PHLPP1: variants seen among roughly 807,000 people sequenced by gnomAD.
PHLPP1 encodes PH domain leucine-rich repeat-containing protein phosphatase 1.
PHLPP1 carries 42 observed loss-of-function variants against 117.2 expected under a neutral mutation model. The observed-to-expected ratio is 0.36, with a 90% CI of 0.28 to 0.46. PHLPP1 has a LOEUF of 0.46. Ranked by LOEUF, PHLPP1 falls within the 20% of genes least tolerant of loss-of-function variation. The pLI is 1.00. For missense variants in PHLPP1, 2,084 were observed against 2,241.9 expected (o/e 0.93, Z 1.42); for synonymous variants, 1,042 against 970.7 (o/e 1.07, Z -1.37).
At chr18:62,796,021 T>C (rs896507106) in intron 1 of PHLPP1, among the ~76,000 whole-genome samples, 6 of 152,224 alleles carry the variant, frequency 3.9e-5, no homozygotes, top group Non-Finnish European at 8.8e-5. Context: ...TGTCATTCTT[T>C]GAAAGGTTAT....
In PHLPP1 at chr18:62,736,516, A is replaced by G. The variant is rs1045703151; in HGVS notation, c.1576+19257A>G. Reference sequence around the variant, plus strand: ...AAGTTTACAGTTGGGTGATGGAAGAATTGTGGATCAGTTCATAAAAGTAGG... The same window carrying G: ...AAGTTTACAGTTGGGTGATGGAAGAGTTGTGGATCAGTTCATAAAAGTAGG... On this transcript the variant is annotated intron_variant, in intron 1 of 16. Transcript: ENST00000262719. 2.0e-5 allele frequency among the ~76,000 whole-genome samples: 3 copies of G among 152,264 alleles called. No individual in the cohort carries two copies. In the South Asian group the frequency reaches 6.2e-4, roughly 32 times the overall value.
Position 62,830,201 on chromosome 18 carries a change from G to T in PHLPP1, c.1743G>T (p.Lys581Asn), listed in dbSNP as rs750911352. ...CTGTGAAAGACAGCTTGACCGGAAA[G>T]ATGCATGTTCTGCCACTAATTGGTG... ...VSSVKDSLTG[K>N]MHVLPLIGGK... The change falls in exon 2 of 17, where the codon AAG becomes AAT. Residue 581 changes from lysine to asparagine, a missense_variant. Coordinates refer to ENST00000262719, the MANE Select transcript of PHLPP1 (RefSeq NM_194449.4). 2.6e-6 allele frequency: 4 copies of T among 1,568,302 alleles called. No individual in the cohort carries two copies. Among genetic ancestry groups the T allele is most frequent in the Non-Finnish European group, 3.5e-6 (4 of 1,155,918 alleles).
intron 1 of PHLPP1, among the ~76,000 whole-genome samples, chr18:62,766,078 T>TATATATATATATATATATATATAAA (rs1912497460): frequency 2.6e-4 from 5 of 19,324 alleles, no homozygotes; most frequent in Non-Finnish European, 3.3e-4. Flanking sequence ...AAAAAAAAAA[T>TATATATATATATATATATATATAAA]ATATATATAT....
chr18:62,971,614 C>T (rs1308577207), intron 14 of PHLPP1, among the ~76,000 whole-genome samples: 3 of 152,160 alleles, frequency 2.0e-5, no homozygotes, highest in Admixed American at 2.0e-4. Context: ...GGGTCTTCCT[C>T]CCTGTGCTGC....
In PHLPP1 at chr18:62,958,665, A is replaced by G; in HGVS notation, c.3361A>G (p.Thr1121Ala). ...GAGCTGTAATGAGCTAAGTGAAGTCACATTACCAGAAAACCTGCCTCCCAA... is the reference window on the plus strand; with the variant it reads ...GAGCTGTAATGAGCTAAGTGAAGTCGCATTACCAGAAAACCTGCCTCCCAA... ...DLSCNELSEV[T>A]LPENLPPKLQ... The change falls in exon 13 of 17, where the codon ACA (threonine) becomes GCA (alanine). Residue 1121 changes from threonine to alanine, a missense_variant. Physicochemically the swap from Thr to Ala is moderately conservative, Grantham distance 58. Coordinates refer to ENST00000262719, the MANE Select transcript of PHLPP1 (RefSeq NM_194449.4). The G allele has an allele frequency of 1.2e-6, 2 of 1,613,902 alleles. No homozygotes were observed. The highest frequency in any genetic ancestry group is 8.5e-7 in the Non-Finnish European group (1 of 1,179,806).
intron 1 of PHLPP1, among the ~76,000 whole-genome samples, chr18:62,776,609 G>GTT (rs35582464): frequency 2.7e-4 from 37 of 137,046 alleles, no homozygotes; most frequent in South Asian, 4.7e-4. Context: ...ATTGCTGAGT[G>GTT]TTTTTTTTTT....
At chr18:62,785,712 G>T (rs1913262509) in intron 1 of PHLPP1, among the ~76,000 whole-genome samples, 1 of 152,144 alleles carries the variant, frequency 6.6e-6, no homozygotes, top group Non-Finnish European at 1.5e-5. Context: ...CTTTTCTCGG[G>T]TCATTACCGT....
chr18:62,735,755 T>C (rs1262132569), intron 1 of PHLPP1, among the ~76,000 whole-genome samples: 3 of 152,194 alleles, frequency 2.0e-5, no homozygotes, highest in African/African-American at 7.2e-5. Flanking sequence ...ACTTACCCCA[T>C]GCACAGTATC....
chr18:62,950,485 C>T (rs146674647), intron 12 of PHLPP1, among the ~76,000 whole-genome samples: 1 of 152,144 alleles, frequency 6.6e-6, no homozygotes, highest in Non-Finnish European at 1.5e-5. Flanking sequence ...TTGTTCTTGT[C>T]TCTAAAGTAA....
chr18:62,852,220 C>T (rs1568138047), intron 3 of PHLPP1, among the ~76,000 whole-genome samples: 1 of 151,796 alleles, frequency 6.6e-6, no homozygotes, highest in Non-Finnish European at 1.5e-5. Flanking sequence ...TCTCATTTAA[C>T]CATTTAAGAA....
chr18:62,838,729 C>T (rs1175948983), intron 2 of PHLPP1, 55 bp from the exon 3 acceptor site: 1 of 1,586,926 alleles, frequency 6.3e-7, no homozygotes, highest in South Asian at 1.1e-5. Context: ...TAGTGAAATA[C>T]ATCAGTGGTT....
chr18:62,904,707 G>A (rs533304146), intron 7 of PHLPP1, among the ~76,000 whole-genome samples: 10 of 152,340 alleles, frequency 6.6e-5, no homozygotes, highest in African/African-American at 2.4e-4. Flanking sequence ...GTTTAGAGAA[G>A]CAGAAGGACA....
chr18:62,945,376 A>T lies in PHLPP1; in HGVS notation c.3324+105A>T, dbSNP rs866934325. Reference sequence around the variant, plus strand: ...TTGCATCTTTGTTGGATTTATTCAGAATGAAGGCCCCCATTAGCCCTTACT... The same window carrying T: ...TTGCATCTTTGTTGGATTTATTCAGTATGAAGGCCCCCATTAGCCCTTACT... On this transcript the variant is annotated intron_variant, in intron 12 of 16. Transcript: ENST00000262719. 2.8e-4 allele frequency: 256 copies of T among 915,566 alleles called. 1 individual carries two copies. In the Middle Eastern group the frequency reaches 4.9e-3, roughly 18 times the overall value. 56.7% of individuals were successfully genotyped at this position (915,566 alleles called of 1,614,324 possible).
chr18:62,903,217 C>T (rs1272065272), intron 7 of PHLPP1, 51 bp downstream of exon 7: 24 of 1,183,260 alleles, frequency 2.0e-5, no homozygotes, highest in African/African-American at 3.0e-5. Flanking sequence ...CAGGAATTTA[C>T]CCAGCATCAT....
chr18:62,890,194 C>T (rs1916372837), intron 4 of PHLPP1, among the ~76,000 whole-genome samples: 1 of 152,022 alleles, frequency 6.6e-6, no homozygotes, highest in Non-Finnish European at 1.5e-5. Context: ...TTCGTATATA[C>T]ATAAAATGAA....
At chr18:62,947,861 A>C (rs1267447034) in intron 12 of PHLPP1, among the ~76,000 whole-genome samples, 2 of 151,778 alleles carry the variant, frequency 1.3e-5, no homozygotes, top group Non-Finnish European at 2.9e-5. Context: ...CTCTGTCTCT[A>C]CTAAAAATAC....
At chr18:62,977,450 A>C (rs964629796) in intron 16 of PHLPP1, among the ~76,000 whole-genome samples, 3 of 148,626 alleles carry the variant, frequency 2.0e-5, no homozygotes, top group Non-Finnish European at 2.9e-5. Flanking sequence ...AAAAAAAAAA[A>C]AAACCCAGGT....
At chr18:62,771,676 CT>C (rs556712207) in intron 1 of PHLPP1, among the ~76,000 whole-genome samples, 235 of 152,336 alleles carry the variant, frequency 1.5e-3, no homozygotes, top group Non-Finnish European at 2.9e-3. Flanking sequence ...TATGAGGAGG[CT>C]TTCTGCTGGT....
chr18:62,745,372 A>T (rs1294755855), intron 1 of PHLPP1, among the ~76,000 whole-genome samples: 2 of 152,246 alleles, frequency 1.3e-5, no homozygotes, highest in Non-Finnish European at 2.9e-5. Context: ...TGGTTATTAC[A>T]TGAAAATGTA....
Sources: allele counts gnomAD v4.1 joint callset (sites outside exome capture counted in the v4.1 genomes callset), GRCh38; gene constraint gnomAD v4.1.1; transcripts MANE v1.5; gene names NCBI Gene and HGNC (gene_info 2026-07-23, HGNC 2026-07-21).